ENOX1: variants seen among roughly 807,000 people sequenced by gnomAD.
The protein encoded by ENOX1 is ecto-NOX disulfide-thiol exchanger 1.
Under a neutral mutation model 82.5 loss-of-function variants are expected in ENOX1, and 42 were observed. The observed-to-expected ratio is 0.51, with a 90% CI of 0.40 to 0.66. ENOX1 has a LOEUF of 0.66. Among genes scored for constraint, ENOX1 ranks in the 30% least tolerant of loss-of-function variants. ENOX1 has a pLI of 0.00. For missense variants in ENOX1, 608 were observed against 811.6 expected (o/e 0.75, Z 3.05); for synonymous variants, 271 against 282.2 (o/e 0.96, Z 0.40).
At chr13:43,243,946 C>G (rs890015597) in intron 14 of ENOX1, among the ~76,000 whole-genome samples, 7 of 152,128 alleles carry the variant, frequency 4.6e-5, no homozygotes, top group African/African-American at 1.7e-4. Context: ...TTTCAGGCCA[C>G]TTGCAAGGCT....
chr13:43,364,567 C>T (rs1034788617), intron 5 of ENOX1, among the ~76,000 whole-genome samples: 2 of 152,150 alleles, frequency 1.3e-5, no homozygotes, highest in Non-Finnish European at 2.9e-5. Flanking sequence ...AAAAAAAATC[C>T]TGTTTACTGA....
At chr13:43,595,422 T>G (rs2081422907) in intron 2 of ENOX1, among the ~76,000 whole-genome samples, 1 of 152,174 alleles carries the variant, frequency 6.6e-6, no homozygotes, top group Admixed American at 6.5e-5. Flanking sequence ...ATTTCTTTTT[T>G]TTATTATACT....
At chr13:43,687,949 G>C (rs1034197212) in intron 1 of ENOX1, among the ~76,000 whole-genome samples, 1 of 152,078 alleles carries the variant, frequency 6.6e-6, no homozygotes, top group African/African-American at 2.4e-5. Flanking sequence ...ATGTAGGAAG[G>C]GGGAGGAGGA....
intron 2 of ENOX1, among the ~76,000 whole-genome samples, chr13:43,576,990 C>T (rs760177844): frequency 1.1e-4 from 17 of 152,004 alleles, no homozygotes; most frequent in African/African-American, 2.2e-4. Flanking sequence ...AATTATTAAG[C>T]GTTTACTATG....
At chr13:43,351,629 A>G (rs2049809819) in intron 8 of ENOX1, among the ~76,000 whole-genome samples, 1 of 128,798 alleles carries the variant, frequency 7.8e-6, no homozygotes, top group Non-Finnish European at 1.6e-5. Flanking sequence ...TCATGTGTCC[A>G]TGTGATCTCA....
At chr13:43,714,142 T>C (rs936003012) in intron 1 of ENOX1, among the ~76,000 whole-genome samples, 147 of 151,926 alleles carry the variant, frequency 9.7e-4, no homozygotes, top group South Asian at 2.7e-3. Flanking sequence ...TCAAAGAACA[T>C]CTTTATTTCT....
At chr13:43,511,478 G>C (rs1479519441) in intron 2 of ENOX1, among the ~76,000 whole-genome samples, 2 of 152,062 alleles carry the variant, frequency 1.3e-5, no homozygotes, top group Non-Finnish European at 2.9e-5. Flanking sequence ...TTCAGTATAA[G>C]CATATCAGAT....
chr13:43,727,168 A>G (rs988356790), intron 1 of ENOX1, among the ~76,000 whole-genome samples: 2 of 152,220 alleles, frequency 1.3e-5, no homozygotes, highest in Non-Finnish European at 2.9e-5. Flanking sequence ...ACTCCAGAGC[A>G]AAGGCAGATG....
At position 43,470,303 on chromosome 13, in the gene ENOX1, TATACATATATATACAC is replaced by T. The variant is rs1451013916; in HGVS notation, c.-75+13690_-75+13705del. On this transcript the variant is annotated intron_variant, in intron 3 of 16. Coordinates refer to ENST00000690772, the MANE Select transcript of ENOX1 (RefSeq NM_001347969.2). ...ATATACATATATATATACACATATA[TATACATATATATACAC>T]ATATATATATGTATATATATACGTA... Among the ~76,000 whole-genome samples, 32 of 49,282 alleles carry T rather than the reference TATACATATATATACAC, an allele frequency of 6.5e-4. 3 individuals carry two copies. Among genetic ancestry groups the T allele is most frequent in the African/African-American group, 2.2e-3 (29 of 13,356 alleles). The allele number at this position is 49,282 out of a possible 152,430, so 32.3% of individuals were successfully genotyped here. A position where few individuals can be genotyped will look rare whatever the true frequency, so the allele number is the denominator to read the frequency against.
rs944542473 is a variant in ENOX1 at position 43,482,533 on chromosome 13, A to G, written c.-75+1476T>C. Among the ~76,000 whole-genome samples the G allele has an allele frequency of 2.0e-5, 3 of 152,296 alleles. No individual in the cohort carries two copies. The South Asian group carries it at 6.2e-4, about 32-fold the overall frequency. On this transcript the variant is annotated intron_variant, in intron 3 of 16. Transcript: ENST00000690772. ...TAGCACTTTAGTTAAGCAAGATGAA[A>G]AAATTGTAAGGATTTGCTGTACAAC...
chr13:43,513,305 A>G (rs140809234), intron 2 of ENOX1, among the ~76,000 whole-genome samples: 1 of 152,234 alleles, frequency 6.6e-6, no homozygotes, highest in East Asian at 1.9e-4. Context: ...CAGGGGAAGA[A>G]AGGGTGTAAA....
At chr13:43,659,376 G>T (rs1262916230) in intron 2 of ENOX1, among the ~76,000 whole-genome samples, 1 of 151,988 alleles carries the variant, frequency 6.6e-6, no homozygotes, top group Admixed American at 6.6e-5. Context: ...TGTAATCCCA[G>T]CTACTAGGGA....
intron 9 of ENOX1, among the ~76,000 whole-genome samples, chr13:43,337,776 A>G (rs4942216): frequency 0.2 from 29,882 of 152,068 alleles, 3,812 homozygotes; most frequent in East Asian, 0.55. Context: ...CTTAGAAAGC[A>G]AACTGTACAA....
chr13:43,364,399 C>T (rs1226590535), intron 5 of ENOX1, among the ~76,000 whole-genome samples: 1 of 152,098 alleles, frequency 6.6e-6, no homozygotes, highest in Non-Finnish European at 1.5e-5. Context: ...CACAACTGTA[C>T]TGAAATGACA....
At chr13:43,247,868 TA>T (rs61513167) in intron 14 of ENOX1, among the ~76,000 whole-genome samples, 3 of 2,400 alleles carry the variant, frequency 1.3e-3, no homozygotes, top group African/African-American at 2.4e-3. Flanking sequence ...TATATATATA[TA>T]TATATATATA....
chr13:43,630,823 A>G (rs1349430352), intron 2 of ENOX1, among the ~76,000 whole-genome samples: 1 of 150,496 alleles, frequency 6.6e-6, no homozygotes, highest in African/African-American at 2.4e-5. Context: ...AGGCATTTAT[A>G]TATACATACA....
chr13:43,383,268 C>G (rs573528227), intron 5 of ENOX1, among the ~76,000 whole-genome samples: 1 of 152,188 alleles, frequency 6.6e-6, no homozygotes, highest in South Asian at 2.1e-4. Flanking sequence ...GAATTTACTC[C>G]ACAGAAATTC....
At chr13:43,542,392 A>G (rs1593725559) in intron 2 of ENOX1, among the ~76,000 whole-genome samples, 1 of 150,908 alleles carries the variant, frequency 6.6e-6, no homozygotes, top group East Asian at 1.9e-4. Flanking sequence ...TCAGACTCCC[A>G]AAGTGCTGGG....
At chr13:43,242,358 T>C (rs1566314939) in intron 14 of ENOX1, among the ~76,000 whole-genome samples, 1 of 152,248 alleles carries the variant, frequency 6.6e-6, no homozygotes. Context: ...GCTACTCTCT[T>C]CCTCCTCTTC....
Sources: allele counts gnomAD v4.1 joint callset (sites outside exome capture counted in the v4.1 genomes callset), GRCh38; gene constraint gnomAD v4.1.1; transcripts MANE v1.5; gene names NCBI Gene and HGNC (gene_info 2026-07-23, HGNC 2026-07-21).